Variants in TMOD2 observed in about 807,000 individuals in gnomAD.
TMOD2 encodes the protein tropomodulin-2.
TMOD2 carries 22 observed loss-of-function variants against 39.9 expected under a neutral mutation model. The ratio of observed to expected loss-of-function variants is 0.55; its 90% CI spans 0.39 to 0.79. TMOD2 has a LOEUF of 0.79. TMOD2 is among the 30% of genes least tolerant of loss of function. The pLI is 0.00. For missense variants in TMOD2, 386 were observed against 413.3 expected (o/e 0.93, Z 0.57); for synonymous variants, 123 against 146.1 (o/e 0.84, Z 1.14).
intron 8 of TMOD2, among the ~76,000 whole-genome samples, chr15:51,799,028 C>CT (rs542988707): frequency 5.1e-4 from 77 of 152,326 alleles, no homozygotes; most frequent in Non-Finnish European, 9.1e-4. Context: ...CTGGCGACCT[C>CT]TTTTTCCCAG....
chr15:51,788,828 G>A (rs2055989208), intron 7 of TMOD2, among the ~76,000 whole-genome samples: 1 of 152,166 alleles, frequency 6.6e-6, no homozygotes, highest in South Asian at 2.1e-4. Context: ...GTCACCACCA[G>A]ACCTGCCTTA....
chr15:51,798,868 G>A (rs994741383), intron 8 of TMOD2, among the ~76,000 whole-genome samples: 1 of 152,184 alleles, frequency 6.6e-6, no homozygotes, highest in African/African-American at 2.4e-5. Flanking sequence ...AAGGAATCAG[G>A]GTTCTAGAAG....
chr15:51,763,662 C>T (rs1441426786), intron 1 of TMOD2, among the ~76,000 whole-genome samples: 2 of 152,216 alleles, frequency 1.3e-5, no homozygotes, highest in Non-Finnish European at 2.9e-5. Context: ...CCACGATTGT[C>T]TGCTTTCTAA....
At chr15:51,770,551 G>C (rs2055846531) in intron 3 of TMOD2, among the ~76,000 whole-genome samples, 1 of 152,172 alleles carries the variant, frequency 6.6e-6, no homozygotes, top group Admixed American at 6.5e-5. Context: ...GTTGGCATGA[G>C]GCAGAGTGCT....
At chr15:51,802,982 A>C (rs7170091) in intron 8 of TMOD2, among the ~76,000 whole-genome samples, 23 of 151,780 alleles carry the variant, frequency 1.5e-4, no homozygotes, top group African/African-American at 5.6e-4. Flanking sequence ...TCCATACTTA[A>C]ATTTTCCAAA....
chr15:51,778,233 A>C (rs1183501410), intron 5 of TMOD2, among the ~76,000 whole-genome samples: 3 of 151,074 alleles, frequency 2.0e-5, no homozygotes, highest in Non-Finnish European at 4.4e-5. Flanking sequence ...AAACTATCTC[A>C]AGGACAAAAA....
At position 51,786,206 on chromosome 15, in the gene TMOD2, C is replaced by T. The variant is rs149161136; in HGVS notation, c.732+3378C>T. On this transcript the variant is annotated intron_variant, in intron 7 of 9. Transcript: ENST00000249700. ...TCCCCTCCTCACTCCCCGAATCCCCCCTTCTCAAGGGTAAGCTGAGAAGAG... is the reference window on the plus strand; with the variant it reads ...TCCCCTCCTCACTCCCCGAATCCCCTCTTCTCAAGGGTAAGCTGAGAAGAG... 9.4e-3 allele frequency among the ~76,000 whole-genome samples: 1,424 copies of T among 152,240 alleles called. 21 individuals carry two copies. The highest frequency in any genetic ancestry group is 0.033 in the African/African-American group (1,373 of 41,528).
chr15:51,768,535 A>T, intron 3 of TMOD2, 117 bp downstream of exon 3: 1 of 1,055,968 alleles, frequency 9.5e-7, no homozygotes, highest in Non-Finnish European at 1.4e-6. Flanking sequence ...AGGATCAAGC[A>T]AGGGAACTGT....
At chr15:51,807,642 T>TG (rs1300000076) in intron 9 of TMOD2, among the ~76,000 whole-genome samples, 1 of 151,980 alleles carries the variant, frequency 6.6e-6, no homozygotes, top group Admixed American at 6.6e-5. Context: ...CTGAAGAAAA[T>TG]GGACAGGGCA....
intron 7 of TMOD2, among the ~76,000 whole-genome samples, chr15:51,790,213 G>A (rs561188533): frequency 2.0e-5 from 3 of 152,308 alleles, no homozygotes; most frequent in African/African-American, 4.8e-5. Flanking sequence ...TATCATCAGA[G>A]AATATTATAA....
At chr15:51,805,910 A>G (rs535027423) in intron 8 of TMOD2, among the ~76,000 whole-genome samples, 13 of 152,360 alleles carry the variant, frequency 8.5e-5, no homozygotes, top group Non-Finnish European at 1.6e-4. Flanking sequence ...GCAAAATTTT[A>G]TGTGTATTTT....
intron 9 of TMOD2, 140 bp from the exon 10 acceptor site, chr15:51,808,280 G>T: frequency 1.7e-6 from 1 of 589,932 alleles, no homozygotes. Flanking sequence ...TCCATTGATT[G>T]TCATGGTTAA....
At position 51,781,157 on chromosome 15, in the gene TMOD2, A is replaced by G; in HGVS notation, c.607A>G (p.Asn203Asp). 6.2e-7 allele frequency: 1 copy of G among 1,608,226 alleles called. No individual in the cohort carries two copies. Among genetic ancestry groups the G allele is most frequent in the Non-Finnish European group, 8.5e-7 (1 of 1,178,650 alleles). ...CAATGATCCTAGCTTGCAAGAAGTCAACCTCAACAACATTAAGGTATTTCA... is the reference window on the plus strand; with the variant it reads ...CAATGATCCTAGCTTGCAAGAAGTCGACCTCAACAACATTAAGGTATTTCA... Reference protein sequence around the residue: ...KANDPSLQEVNLNNIKNIPIP... With the variant: ...KANDPSLQEVDLNNIKNIPIP... Residue 203 changes from asparagine (N) to aspartate (D), a missense_variant, in exon 6 of 10, where the codon AAC (asparagine) becomes GAC (aspartate). Asn to Asp is a conservative substitution (Grantham distance 23, BLOSUM62 1). Transcript: ENST00000249700.
rs1039864714 is a variant in TMOD2, at chr15:51,809,161, C to G, written c.*707C>G. The G allele has an allele frequency of 2.6e-5, 4 of 152,598 alleles. No homozygotes were observed. Among genetic ancestry groups the G allele is most frequent in the Admixed American group, 2.6e-4 (4 of 15,278 alleles). The allele number at this position is 152,598 out of a possible 1,614,324, so 9.5% of individuals were successfully genotyped here. Reference sequence around the variant, plus strand: ...TACACACCTACTTTTACTGACTATTCAACATAAATTGAATCTTTAACATGA... The same window carrying G: ...TACACACCTACTTTTACTGACTATTGAACATAAATTGAATCTTTAACATGA... On this transcript the variant is annotated 3_prime_UTR_variant, in exon 10 of 10. Coordinates refer to ENST00000249700, the MANE Select transcript of TMOD2 (RefSeq NM_014548.4).
intron 7 of TMOD2, among the ~76,000 whole-genome samples, chr15:51,794,225 G>T (rs139762587): frequency 6.6e-6 from 1 of 152,188 alleles, no homozygotes; most frequent in Admixed American, 6.5e-5. Flanking sequence ...CCACAACAAA[G>T]AATTCTTTGG....
intron 7 of TMOD2, chr15:51,785,106 T>G (rs2055958826): frequency 6.6e-6 from 1 of 152,190 alleles, no homozygotes; most frequent in Non-Finnish European, 1.5e-5. Context: ...TTTTGTAACT[T>G]GCTTTTTAAA....
chr15:51,760,312 C>T (rs2055771927), intron 1 of TMOD2, among the ~76,000 whole-genome samples: 1 of 152,182 alleles, frequency 6.6e-6, no homozygotes, highest in Non-Finnish European at 1.5e-5. Context: ...TTCTGAAGGC[C>T]CTAGGGGAGA....
chr15:51,754,846 A>G (rs1333149553), intron 1 of TMOD2, among the ~76,000 whole-genome samples: 1 of 152,230 alleles, frequency 6.6e-6, no homozygotes, highest in Non-Finnish European at 1.5e-5. Flanking sequence ...TGTTTCCCAA[A>G]CTGTGTGCAA....
At chr15:51,779,279 A>G (rs995031914) in intron 5 of TMOD2, among the ~76,000 whole-genome samples, 1 of 152,072 alleles carries the variant, frequency 6.6e-6, no homozygotes, top group Non-Finnish European at 1.5e-5. Flanking sequence ...CTGGTGCATA[A>G]CCTTCTGGAC....
Sources: allele counts gnomAD v4.1 joint callset (sites outside exome capture counted in the v4.1 genomes callset), GRCh38; gene constraint gnomAD v4.1.1; transcripts MANE v1.5; gene names NCBI Gene and HGNC (gene_info 2026-07-23, HGNC 2026-07-21).